The following CDH8 variants were observed in gnomAD, a reference collection of about 807,000 sequenced individuals.
The protein encoded by CDH8 is cadherin 8.
CDH8 carries 17 observed loss-of-function variants against 68.1 expected under a neutral mutation model. The ratio of observed to expected loss-of-function variants is 0.25; its 90% CI spans 0.17 to 0.37. The LOEUF (loss-of-function observed/expected upper bound fraction) is 0.37. Ranked by LOEUF, CDH8 falls within the 10% of genes least tolerant of loss-of-function variation. The pLI, the probability that CDH8 is intolerant of heterozygous loss-of-function variation, is 1.00. For missense variants in CDH8, 763 were observed against 999.3 expected (o/e 0.76, Z 3.19); for synonymous variants, 372 against 365.1 (o/e 1.02, Z -0.21).
chr16:61,918,241 C>T (rs944874306), intron 2 of CDH8: 14 of 152,200 alleles, frequency 9.2e-5, no homozygotes, highest in African/African-American at 3.4e-4. Flanking sequence ...TACACACAAA[C>T]CACTTCTGGT....
chr16:61,879,338 TTTC>T (rs1963525333), intron 3 of CDH8, among the ~76,000 whole-genome samples: 4 of 152,364 alleles, frequency 2.6e-5, no homozygotes, highest in Admixed American at 6.5e-5. Context: ...CAGCTAGCAC[TTTC>T]TTCATTTCTG....
chr16:61,904,459 A>G (rs1597054756), intron 2 of CDH8, among the ~76,000 whole-genome samples: 2 of 152,230 alleles, frequency 1.3e-5, no homozygotes, highest in East Asian at 3.9e-4. Flanking sequence ...CCCAATTTCT[A>G]GGCCATGAAC....
At chr16:61,744,641 G>A (rs797020655) in intron 8 of CDH8, among the ~76,000 whole-genome samples, 6 of 150,924 alleles carry the variant, frequency 4.0e-5, no homozygotes, top group African/African-American at 1.5e-4. Context: ...CCTTTTCTAT[G>A]TTTTTTAACT....
At chr16:61,921,881 C>T (rs964639024) in intron 2 of CDH8, among the ~76,000 whole-genome samples, 1 of 152,012 alleles carries the variant, frequency 6.6e-6, no homozygotes, top group East Asian at 1.9e-4. Context: ...AAATACAAAA[C>T]TTAGTCGGGC....
chr16:61,983,258 A>G (rs1224300895), intron 2 of CDH8, among the ~76,000 whole-genome samples: 1 of 152,172 alleles, frequency 6.6e-6, no homozygotes, highest in Admixed American at 6.5e-5. Flanking sequence ...TTTGAGATTC[A>G]CCATTGTTGA....
At chr16:61,706,620 CAAAAAAAA>C (rs781148249) in intron 10 of CDH8, among the ~76,000 whole-genome samples, 1 of 60,402 alleles carries the variant, frequency 1.7e-5, no homozygotes, top group Non-Finnish European at 3.0e-5. Flanking sequence ...GACTCTGTCT[CAAAAAAAA>C]AAAAAAAAAA....
chr16:61,768,653 A>G (rs1455474501), intron 8 of CDH8, among the ~76,000 whole-genome samples: 1 of 151,194 alleles, frequency 6.6e-6, no homozygotes, highest in Non-Finnish European at 1.5e-5. Flanking sequence ...CTTCATTTTC[A>G]CTCTGCTCTT....
At chr16:61,741,865 C>T (rs1959881440) in intron 8 of CDH8, among the ~76,000 whole-genome samples, 1 of 151,918 alleles carries the variant, frequency 6.6e-6, no homozygotes, top group Non-Finnish European at 1.5e-5. Flanking sequence ...CATCATTTGC[C>T]AAATTATACA....
At chr16:61,992,161 G>T (rs1965736655) in intron 2 of CDH8, among the ~76,000 whole-genome samples, 1 of 151,280 alleles carries the variant, frequency 6.6e-6, no homozygotes, top group African/African-American at 2.4e-5. Context: ...GAAGAAGAAA[G>T]TACCTTTAAT....
intron 10 of CDH8, among the ~76,000 whole-genome samples, chr16:61,665,080 T>C (rs1289873036): frequency 1.3e-5 from 2 of 151,880 alleles, no homozygotes; most frequent in Non-Finnish European, 2.9e-5. Flanking sequence ...TCTACAGAAG[T>C]AATTAAGGTT....
intron 8 of CDH8, among the ~76,000 whole-genome samples, chr16:61,760,346 C>T (rs1175491767): frequency 1.3e-5 from 2 of 151,904 alleles, no homozygotes; most frequent in Non-Finnish European, 1.5e-5. Flanking sequence ...GAGTCTCACT[C>T]AGTCGCCCAA....
intron 2 of CDH8, among the ~76,000 whole-genome samples, chr16:62,003,614 C>T (rs1179008277): frequency 6.6e-6 from 1 of 152,006 alleles, no homozygotes; most frequent in Non-Finnish European, 1.5e-5. Flanking sequence ...CAAGGGTGGT[C>T]CGCAGCATTA....
chr16:61,962,406 T>G (rs1965170871), intron 2 of CDH8, among the ~76,000 whole-genome samples: 1 of 152,104 alleles, frequency 6.6e-6, no homozygotes, highest in African/African-American at 2.4e-5. Context: ...GGTGTGACCT[T>G]TGTATTACCG....
intron 3 of CDH8, among the ~76,000 whole-genome samples, chr16:61,882,420 A>C (rs1963595194): frequency 6.6e-6 from 1 of 152,184 alleles, no homozygotes; most frequent in South Asian, 2.1e-4. Context: ...TATGAAGAAG[A>C]GCCCCCGCAG....
chr16:61,826,325 A>T (rs996208505), intron 4 of CDH8, among the ~76,000 whole-genome samples: 1 of 151,872 alleles, frequency 6.6e-6, no homozygotes, highest in Non-Finnish European at 1.5e-5. Context: ...CAGTTATTTC[A>T]TATTTTCCCA....
At position 62,015,709 on chromosome 16, in the gene CDH8, A is replaced by G. The variant is rs150323951; in HGVS notation, c.252+5443T>C. Among the ~76,000 whole-genome samples the G allele has an allele frequency of 1.1e-3, 175 of 152,270 alleles. 1 individual carries two copies. Among genetic ancestry groups the G allele is most frequent in the African/African-American group, 4.0e-3 (167 of 41,564 alleles). ...TTTGATGGTATTAAGAGATGGGTCTATTGAAAGGTAATTTGGTCATGAGGG... is the reference window on the plus strand; with the variant it reads ...TTTGATGGTATTAAGAGATGGGTCTGTTGAAAGGTAATTTGGTCATGAGGG... On this transcript the variant is annotated intron_variant, in intron 2 of 11. Coordinates refer to ENST00000577390, the MANE Select transcript of CDH8 (RefSeq NM_001796.5).
chr16:61,720,020 C>T (rs1959205378), intron 9 of CDH8, among the ~76,000 whole-genome samples: 1 of 150,906 alleles, frequency 6.6e-6, no homozygotes, highest in African/African-American at 2.4e-5. Context: ...CACACACACA[C>T]ACACCAAACC....
chr16:61,760,088 T>G (rs1365311609), intron 8 of CDH8, among the ~76,000 whole-genome samples: 1 of 152,124 alleles, frequency 6.6e-6, no homozygotes, highest in East Asian at 1.9e-4. Flanking sequence ...GTTTCCCAGA[T>G]GTTTGAGTGA....
At position 61,919,683 on chromosome 16, in the gene CDH8, A is replaced by G. The variant is rs1266680508; in HGVS notation, c.253-18210T>C. 2.0e-3 allele frequency among the ~76,000 whole-genome samples: 305 copies of G among 151,758 alleles called. 3 individuals carry two copies. The highest frequency in any genetic ancestry group is 0.011 in the South Asian group (54 of 4,752). ...GACTATGTGAAAAGACCAAATCTACATCTGATTGGTGTACCTGAAAGTGAT... is the reference window on the plus strand; with the variant it reads ...GACTATGTGAAAAGACCAAATCTACGTCTGATTGGTGTACCTGAAAGTGAT... On this transcript the variant is annotated intron_variant, in intron 2 of 11. Coordinates refer to ENST00000577390, the MANE Select transcript of CDH8 (RefSeq NM_001796.5).
Sources: allele counts gnomAD v4.1 joint callset (sites outside exome capture counted in the v4.1 genomes callset), GRCh38; gene constraint gnomAD v4.1.1; transcripts MANE v1.5; gene names NCBI Gene and HGNC (gene_info 2026-07-23, HGNC 2026-07-21).